DENND5A: variants seen among roughly 807,000 people sequenced by gnomAD.
DENND5A encodes the protein DENN domain containing 5A.
A neutral mutation model predicts 140.3 loss-of-function variants in DENND5A; 64 were observed. The observed-to-expected ratio is 0.46, with a 90% CI of 0.37 to 0.56. DENND5A has a LOEUF of 0.56. Among genes scored for constraint, DENND5A ranks in the 20% least tolerant of loss-of-function variants. DENND5A has a pLI of 0.00. For synonymous variants in DENND5A, 605 were observed against 607.7 expected (o/e 1.00, Z 0.07); for missense variants, 1,292 against 1,593.8 (o/e 0.81, Z 3.22).
At chr11:9,181,782 C>T (rs1165906354) in intron 5 of DENND5A, among the ~76,000 whole-genome samples, 1 of 152,066 alleles carries the variant, frequency 6.6e-6, no homozygotes, top group Admixed American at 6.6e-5. Context: ...GAATTCTATA[C>T]TCAGTGAAAA....
intron 1 of DENND5A, among the ~76,000 whole-genome samples, chr11:9,248,557 A>C (rs1418766610): frequency 1.3e-5 from 2 of 151,842 alleles, no homozygotes; most frequent in African/African-American, 4.8e-5. Context: ...CCAGAGGCTG[A>C]GTAGGAGGAT....
chr11:9,156,222 A>AT (rs1317244341), intron 12 of DENND5A, among the ~76,000 whole-genome samples: 1 of 152,208 alleles, frequency 6.6e-6, no homozygotes, highest in Non-Finnish European at 1.5e-5. Flanking sequence ...CCCTAAGAGC[A>AT]TTAACGCCAT....
In DENND5A at chr11:9,150,691, A is replaced by T; in HGVS notation, c.2595T>A (p.Ile865=). Residue 865 remains isoleucine (I), a synonymous_variant, in exon 14 of 23, where the codon ATT becomes ATA. Coordinates refer to ENST00000328194, the MANE Select transcript of DENND5A (RefSeq NM_015213.4). The part of the protein sequence containing the change: ...SLMPPLRISL[I]QDMRHIQNIG... Reference sequence around the variant, plus strand: ...GAGCCCATACTGACCTCATATCCTGAATCAGGGAGATCCTCAGGGGAGGCA... The same window carrying T: ...GAGCCCATACTGACCTCATATCCTGTATCAGGGAGATCCTCAGGGGAGGCA... 1 of 1,612,866 alleles carries T rather than the reference A, an allele frequency of 6.2e-7. No homozygotes were observed. The highest frequency in any genetic ancestry group is 1.7e-4 in the Middle Eastern group (1 of 6,060).
At chr11:9,162,998 C>T (rs1848042770) in intron 11 of DENND5A, among the ~76,000 whole-genome samples, 1 of 152,082 alleles carries the variant, frequency 6.6e-6, no homozygotes, top group African/African-American at 2.4e-5. Context: ...GCTGATACTC[C>T]TGGCTTCTGA....
intron 1 of DENND5A, among the ~76,000 whole-genome samples, chr11:9,229,754 C>T (rs1850683708): frequency 6.6e-6 from 1 of 152,188 alleles, no homozygotes; most frequent in East Asian, 1.9e-4. Flanking sequence ...GTCCCCCTGC[C>T]CCACCCAGTC....
At chr11:9,207,474 G>A (rs1849729966) in intron 2 of DENND5A, 87 bp downstream of exon 2, 17 of 996,232 alleles carry the variant, frequency 1.7e-5, no homozygotes, top group Middle Eastern at 2.1e-4. Context: ...AAAGTTAGAA[G>A]GTCAAAGGTT....
Position 9,173,937 on chromosome 11 carries a change from A to C in DENND5A, c.1907-3160T>G, listed in dbSNP as rs1003737000. Among the ~76,000 whole-genome samples the C allele has an allele frequency of 2.0e-5, 3 of 151,882 alleles. No individual in the cohort carries two copies. The East Asian group carries it at 5.8e-4, about 29-fold the overall frequency. ...ACCACGGTGAAACCCCGTCTCTACT[A>C]AAAATACAAAAAATTAGCTGGGCTG... On this transcript the variant is annotated intron_variant, in intron 8 of 22. Transcript: ENST00000328194.
chr11:9,205,158 C>G, intron 3 of DENND5A, among the ~76,000 whole-genome samples: 1 of 152,100 alleles, frequency 6.6e-6, no homozygotes, highest in East Asian at 1.9e-4. Context: ...CTTTTCACAT[C>G]AAAAAGTATG....
At chr11:9,260,930 C>T (rs574688567) in intron 1 of DENND5A, among the ~76,000 whole-genome samples, 223 of 152,248 alleles carry the variant, frequency 1.5e-3, no homozygotes, top group Non-Finnish European at 2.7e-3. Flanking sequence ...TTCACTGCAA[C>T]CTCTGCCTCT....
Position 9,141,981 on chromosome 11 carries a change from G to A in DENND5A, c.3639C>T (p.Gly1213=). The A allele has an allele frequency of 6.2e-7, 1 of 1,603,672 alleles. No individual in the cohort carries two copies. The highest frequency in any genetic ancestry group is 8.5e-7 in the Non-Finnish European group (1 of 1,175,188). Reference sequence around the variant, plus strand: ...CCAGCATCTGAAACTTGCCATCCTTGCCGATGTTCCGGGGAGTATTGTTGA... The same window carrying A: ...CCAGCATCTGAAACTTGCCATCCTTACCGATGTTCCGGGGAGTATTGTTGA... ...TAINNTPRNI[G]KDGKFQMLVC... Residue 1213 remains glycine (G), a synonymous_variant, in exon 22 of 23, where the codon GGC becomes GGT. Transcript: ENST00000328194.
intron 6 of DENND5A, among the ~76,000 whole-genome samples, chr11:9,179,739 TCCTCCCACCTCAG>T (rs1299926255): frequency 1.3e-5 from 2 of 152,170 alleles, no homozygotes; most frequent in Admixed American, 6.6e-5. Context: ...CCTCTGGTGA[TCCTCCCACCTCAG>T]CCTCCCAAAG....
chr11:9,238,761 C>A (rs1209928792), intron 1 of DENND5A, among the ~76,000 whole-genome samples: 1 of 151,214 alleles, frequency 6.6e-6, no homozygotes, highest in Non-Finnish European at 1.5e-5. Flanking sequence ...CATCAACATG[C>A]TTATAAAGCC....
intron 5 of DENND5A, among the ~76,000 whole-genome samples, chr11:9,183,260 G>C (rs1246842897): frequency 1.3e-5 from 2 of 152,126 alleles, no homozygotes; most frequent in Non-Finnish European, 2.9e-5. Context: ...TCACGTAACA[G>C]AGATAACAAT....
At chr11:9,242,677 A>C (rs557032414) in intron 1 of DENND5A, 9 of 152,252 alleles carry the variant, frequency 5.9e-5, no homozygotes, top group Non-Finnish European at 1.3e-4. Flanking sequence ...TAAAAAAACA[A>C]CCATTAACTT....
At chr11:9,237,914 AGTC>A (rs1379595289) in intron 1 of DENND5A, among the ~76,000 whole-genome samples, 3 of 152,200 alleles carry the variant, frequency 2.0e-5, no homozygotes, top group African/African-American at 7.2e-5. Flanking sequence ...GATTCACCAA[AGTC>A]CAGTTTTAGC....
chr11:9,191,364 C>T (rs866574332), intron 5 of DENND5A, among the ~76,000 whole-genome samples: 35 of 152,028 alleles, frequency 2.3e-4, no homozygotes, highest in African/African-American at 6.3e-4. Flanking sequence ...CAGCCTCCCA[C>T]GTAGCTGGGA....
chr11:9,144,751 T>C (rs1847366925), intron 18 of DENND5A, among the ~76,000 whole-genome samples: 1 of 148,030 alleles, frequency 6.8e-6, no homozygotes, highest in Non-Finnish European at 1.5e-5. Context: ...ATCACGCCAC[T>C]GCACTCCAGC....
At chr11:9,242,311 G>C (rs1265391733) in intron 1 of DENND5A, 3 of 152,170 alleles carry the variant, frequency 2.0e-5, no homozygotes, top group African/African-American at 7.2e-5. Flanking sequence ...CTAACTTTGA[G>C]ATCTTCTAGA....
chr11:9,139,089 G>C lies in DENND5A; in HGVS notation c.*582C>G, dbSNP rs1427986248. The C allele has an allele frequency of 6.6e-6, 1 of 152,636 alleles. No homozygotes were observed. The highest frequency in any genetic ancestry group is 1.5e-5 in the Non-Finnish European group (1 of 68,056). The allele number at this position is 152,636 out of a possible 1,614,324, so 9.5% of individuals were successfully genotyped here. A position where few individuals can be genotyped will look rare whatever the true frequency, so the allele number is the denominator to read the frequency against. ...CAACAGGAAATGTGGTATTTGGCAC[G>C]ATGACACATCCCGGCATGTCTCCTT... On this transcript the variant is annotated 3_prime_UTR_variant, in exon 23 of 23. Transcript: ENST00000328194.
Sources: allele counts gnomAD v4.1 joint callset (sites outside exome capture counted in the v4.1 genomes callset), GRCh38; gene constraint gnomAD v4.1.1; transcripts MANE v1.5; gene names NCBI Gene and HGNC (gene_info 2026-07-23, HGNC 2026-07-21).